The following LGALS12 variants were observed in gnomAD, a reference collection of about 807,000 sequenced individuals.
LGALS12 encodes the protein galectin 12.
Under a neutral mutation model 36.8 loss-of-function variants are expected in LGALS12, and 36 were observed. That is an observed-to-expected ratio of 0.98 (90% CI 0.75 to 1.29). LGALS12 has a LOEUF of 1.29. Ranked by LOEUF, LGALS12 falls within the 50% of genes most tolerant of loss-of-function variation. The pLI, the probability that LGALS12 is intolerant of heterozygous loss-of-function variation, is 0.00. For synonymous variants in LGALS12, 145 were observed against 155.9 expected (o/e 0.93, Z 0.52); for missense variants, 366 against 394.3 (o/e 0.93, Z 0.61).
chr11:63,509,772 C>T lies in LGALS12; in HGVS notation c.373-6C>T. The T allele has an allele frequency of 1.9e-6, 3 of 1,614,066 alleles. No individual in the cohort carries two copies. Among genetic ancestry groups the T allele is most frequent in the Non-Finnish European group, 2.5e-6 (3 of 1,179,930 alleles). The stretch of plus-strand genomic sequence containing the variant: ...CTGATAAGCCAGCCTCTGTCTGTCT[C>T]TCCAGGTGAGTGTGAATGGACAGCA... On this transcript the variant is annotated splice_polypyrimidine_tract_variant and splice_region_variant and intron_variant, in intron 3 of 8. Coordinates refer to ENST00000394618, the MANE Select transcript of LGALS12 (RefSeq NM_033101.4).
chr11:63,509,669 A>G, intron 3 of LGALS12, 109 bp from the exon 4 acceptor site: 1 of 1,171,866 alleles, frequency 8.5e-7, no homozygotes, highest in East Asian at 2.4e-5. Context: ...GATGACGTGA[A>G]GTTAAGTGAG....
rs2017060977 is a variant in LGALS12 at position 63,515,731 on chromosome 11, G to A, written c.798+18G>A. 1 of 1,612,614 alleles carries A rather than the reference G, an allele frequency of 6.2e-7. No homozygotes were observed. On this transcript the variant is annotated intron_variant, in intron 8 of 8. Coordinates refer to ENST00000394618, the MANE Select transcript of LGALS12 (RefSeq NM_033101.4). ...TCTTTGAGGTAGGTCAGAGCCAAATGATTACATCCCTTCAGGCTGGAGCAC... is the reference window on the plus strand; with the variant it reads ...TCTTTGAGGTAGGTCAGAGCCAAATAATTACATCCCTTCAGGCTGGAGCAC...
At chr11:63,515,087 TAA>T (rs976528988) in intron 7 of LGALS12, among the ~76,000 whole-genome samples, 4 of 152,138 alleles carry the variant, frequency 2.6e-5, no homozygotes, top group African/African-American at 9.7e-5. Flanking sequence ...ACAGAGAGAT[TAA>T]GAGTCTTGCC....
chr11:63,512,628 A>C (rs2016960263), intron 7 of LGALS12, among the ~76,000 whole-genome samples: 1 of 152,022 alleles, frequency 6.6e-6, no homozygotes, highest in East Asian at 1.9e-4. Flanking sequence ...GACTCTACTG[A>C]AAATAGAAAA....
intron 1 of LGALS12, chr11:63,507,891 C>T (rs2016790042): frequency 3.7e-6 from 1 of 270,574 alleles, no homozygotes; most frequent in African/African-American, 2.3e-5. Context: ...GTGCATGCCA[C>T]CACACCCAGC....
Position 63,516,123 on chromosome 11 carries a change from G to T in LGALS12, c.799-124G>T, listed in dbSNP as rs933844332. 26 of 1,220,150 alleles carry T rather than the reference G, an allele frequency of 2.1e-5. 3 individuals carry two copies. In the Admixed American group the frequency reaches 4.6e-4, roughly 21 times the overall value. 75.6% of individuals were successfully genotyped at this position (1,220,150 alleles called of 1,614,324 possible). On this transcript the variant is annotated intron_variant, in intron 8 of 8. Transcript: ENST00000394618. ...TCCTGTTCTTTTCCAGCACTGTACT[G>T]GGTGCCCCCTGGGTCCAGTCTTCGT...
chr11:63,510,069 AG>A (rs747371229), intron 4 of LGALS12, among the ~76,000 whole-genome samples, 172 bp downstream of exon 4: 6 of 152,128 alleles, frequency 3.9e-5, no homozygotes, highest in Non-Finnish European at 7.4e-5. Context: ...GAGTGGGCTG[AG>A]GGGGAAGAGA....
At chr11:63,512,100 G>T (rs2016943972) in intron 7 of LGALS12, among the ~76,000 whole-genome samples, 1 of 152,204 alleles carries the variant, frequency 6.6e-6, no homozygotes. Flanking sequence ...TCTTGTCCCA[G>T]GTCCTAGGAA....
At chr11:63,514,117 A>C (rs1454714209) in intron 7 of LGALS12, among the ~76,000 whole-genome samples, 1 of 152,140 alleles carries the variant, frequency 6.6e-6, no homozygotes, top group Admixed American at 6.5e-5. Flanking sequence ...AAAGTTGGAA[A>C]CTTACGGGGC....
chr11:63,512,842 G>A (rs2016969606), intron 7 of LGALS12, among the ~76,000 whole-genome samples: 1 of 151,984 alleles, frequency 6.6e-6, no homozygotes, highest in East Asian at 1.9e-4. Flanking sequence ...CTTTAGGGGT[G>A]GTACTTAGAA....
chr11:63,515,841 G>A (rs2017065660), intron 8 of LGALS12, 128 bp downstream of exon 8: 2 of 945,348 alleles, frequency 2.1e-6, no homozygotes, highest in Admixed American at 2.4e-5. Context: ...AGAGCCAGCA[G>A]AGCACAGCGA....
At position 63,506,126 on chromosome 11, in the gene LGALS12, C is replaced by T. The variant is rs1419314524; in HGVS notation, c.-333C>T. On this transcript the variant is annotated 5_prime_UTR_variant, in exon 1 of 9. Coordinates refer to ENST00000394618, the MANE Select transcript of LGALS12 (RefSeq NM_033101.4). ...CCACAGGAGCCAGCCTCTGGCTTCT[C>T]TCTGCAATGGCCATGTGCTGCAGAC... 2.4e-6 allele frequency: 1 copy of T among 421,904 alleles called. No homozygotes were observed. Among genetic ancestry groups the T allele is most frequent in the East Asian group, 4.2e-5 (1 of 23,938 alleles). 26.1% of individuals were successfully genotyped at this position (421,904 alleles called of 1,614,324 possible).
At chr11:63,511,528 G>A (rs1370514877) in intron 6 of LGALS12, among the ~76,000 whole-genome samples, 1 of 152,208 alleles carries the variant, frequency 6.6e-6, no homozygotes, top group Non-Finnish European at 1.5e-5. Context: ...GAAGGACATG[G>A]TGGTCGGGAC....
In LGALS12 at chr11:63,516,334, G is replaced by C. The variant is rs1258143579; in HGVS notation, c.886G>C (p.Glu296Gln). 6.2e-7 allele frequency: 1 copy of C among 1,613,580 alleles called. No homozygotes were observed. Among genetic ancestry groups the C allele is most frequent in the Non-Finnish European group, 8.5e-7 (1 of 1,179,872 alleles). ...GATSMNQQALEQLRELRISGS... is the reference protein window; with the variant it reads ...GATSMNQQALQQLRELRISGS... Reference sequence around the variant, plus strand: ...CACCAGCATGAACCAGCAGGCCCTGGAGCAGCTGCGGGAGCTCCGGATCAG... The same window carrying C: ...CACCAGCATGAACCAGCAGGCCCTGCAGCAGCTGCGGGAGCTCCGGATCAG... The change falls in exon 9 of 9, where the codon GAG becomes CAG. Residue 296 changes from glutamate to glutamine, a missense_variant. Physicochemically the swap from Glu to Gln is conservative, Grantham distance 29. Transcript: ENST00000394618.
chr11:63,516,384 C>G lies in LGALS12; in HGVS notation c.936C>G (p.Val312=). 6.2e-7 allele frequency: 1 copy of G among 1,613,974 alleles called. No individual in the cohort carries two copies. ...GTGGAAGTGTCCAGCTCTACTGTGT[C>G]CACTCCTGAGGATGGTTCCAGGGAA... The part of the protein sequence containing the change: ...RISGSVQLYC[V]HS Residue 312 remains valine, a synonymous_variant, in exon 9 of 9, where the codon GTC becomes GTG. Transcript: ENST00000394618.
chr11:63,508,668 G>C (rs1218027298), intron 2 of LGALS12, 27 bp downstream of exon 2: 5 of 1,613,724 alleles, frequency 3.1e-6, no homozygotes, highest in Non-Finnish European at 4.2e-6. Context: ...GGCCCAGGGG[G>C]TGCTGGAGCT....
intron 5 of LGALS12, among the ~76,000 whole-genome samples, chr11:63,510,833 G>T (rs1402942752): frequency 6.6e-6 from 1 of 152,186 alleles, no homozygotes; most frequent in Non-Finnish European, 1.5e-5. Context: ...AAGGGGAGAT[G>T]AGGCCCATGT....
chr11:63,508,398 T>C (rs2016805390), intron 1 of LGALS12, 155 bp from the exon 2 acceptor site: 1 of 1,451,948 alleles, frequency 6.9e-7, no homozygotes, highest in African/African-American at 1.4e-5. Flanking sequence ...TGGAAGAAAA[T>C]ATTTCAGTGA....
Position 63,507,441 on chromosome 11 carries a change from C to T in LGALS12, c.69+914C>T, listed in dbSNP as rs548983215. Reference sequence around the variant, plus strand: ...CAAACACATCTATGCAGAGCCCTCACGGCGTCAGGTGAGGCACTGAGCCTA... The same window carrying T: ...CAAACACATCTATGCAGAGCCCTCATGGCGTCAGGTGAGGCACTGAGCCTA... On this transcript the variant is annotated intron_variant, in intron 1 of 8. Coordinates refer to ENST00000394618, the MANE Select transcript of LGALS12 (RefSeq NM_033101.4). Among the ~76,000 whole-genome samples, 50 of 152,254 alleles carry T rather than the reference C, an allele frequency of 3.3e-4. 1 individual carries two copies. In the South Asian group the frequency reaches 9.3e-3, roughly 28 times the overall value.
Sources: gnomAD v4.1 joint callset for allele counts (sites outside exome capture counted in the v4.1 genomes callset) on GRCh38, gnomAD v4.1.1 for gene constraint, MANE v1.5 for transcripts, NCBI Gene and HGNC (gene_info 2026-07-23, HGNC 2026-07-21) for gene names.